The following PARD3B variants were observed in gnomAD, a reference collection of about 807,000 sequenced individuals.
PARD3B encodes par-3 family cell polarity regulator beta, also known as partitioning defective 3 homolog B.
A neutral mutation model predicts 130.2 loss-of-function variants in PARD3B; 103 were observed. That is an observed-to-expected ratio of 0.79 (90% CI 0.67 to 0.93). The LOEUF (loss-of-function observed/expected upper bound fraction) is 0.93, where lower values mean the gene tolerates loss of function less well. Among genes scored for constraint, PARD3B ranks in the 40% least tolerant of loss-of-function variants. The pLI is 0.00. For synonymous variants in PARD3B, 583 were observed against 553.2 expected, an observed-to-expected ratio of 1.05 and a Z score of -0.76; for missense variants, 1,609 against 1,499.2, an observed-to-expected ratio of 1.07 and a Z score of -1.21.
At position 205,142,926 on chromosome 2, in the gene PARD3B, C is replaced by T. The variant is rs1416240994; in HGVS notation, c.1435-15796C>T. ...TAAATAAATAAGATAGGCAAGCTGG[C>T]AAATAATTGTAAGAAAGTGATGCGA... On this transcript the variant is annotated intron_variant, in intron 10 of 22. Coordinates refer to ENST00000406610, the MANE Select transcript of PARD3B (RefSeq NM_001302769.2). The surrounding 1 kb of genome is among the most constrained non-coding windows in gnomAD (Gnocchi z 4.3). 7.3e-6 allele frequency among the ~76,000 whole-genome samples: 1 copy of T among 136,930 alleles called. No homozygotes were observed. The highest frequency in any genetic ancestry group is 2.5e-5 in the African/African-American group (1 of 39,656). The allele number at this position is 136,930 out of a possible 152,430, so 89.8% of individuals were successfully genotyped here. A position where few individuals can be genotyped will look rare whatever the true frequency, so the allele number is the denominator to read the frequency against.
At chr2:205,402,663 G>A (rs185273961) in intron 19 of PARD3B, among the ~76,000 whole-genome samples, 37 of 152,274 alleles carry the variant, frequency 2.4e-4, no homozygotes, top group Non-Finnish European at 7.4e-5. Flanking sequence ...GTGCCTGAGG[G>A]AGCCTTGTTC....
intron 16 of PARD3B, among the ~76,000 whole-genome samples, chr2:205,257,082 A>G (rs907704892): frequency 6.6e-6 from 1 of 152,134 alleles, no homozygotes; most frequent in African/African-American, 2.4e-5. Context: ...ATGATGCCCA[A>G]CTGTATCCAA....
At chr2:205,445,372 C>T (rs987497261) in intron 20 of PARD3B, among the ~76,000 whole-genome samples, 1 of 152,174 alleles carries the variant, frequency 6.6e-6, no homozygotes, top group Non-Finnish European at 1.5e-5. Flanking sequence ...TTAATTGGCT[C>T]ACAGTTCTGC....
At chr2:204,996,867 C>G (rs950100689) in intron 3 of PARD3B, among the ~76,000 whole-genome samples, 5 of 145,010 alleles carry the variant, frequency 3.4e-5, no homozygotes, top group African/African-American at 1.3e-4. Context: ...TCACCCCTTT[C>G]TTTGACTCGA....
intron 3 of PARD3B, among the ~76,000 whole-genome samples, chr2:205,033,610 G>A (rs184148484): frequency 3.2e-4 from 48 of 152,144 alleles, no homozygotes; most frequent in Admixed American, 1.0e-3. Flanking sequence ...CAAAAGCCAC[G>A]TGCCCATCTG....
At chr2:205,066,605 T>C (rs995900887) in intron 4 of PARD3B, among the ~76,000 whole-genome samples, 2 of 152,116 alleles carry the variant, frequency 1.3e-5, no homozygotes, top group Non-Finnish European at 2.9e-5. Context: ...ATCTGTAAAA[T>C]GAGAAAGGTG....
At chr2:204,808,119 TTAAAGA>T (rs2042840100) in intron 2 of PARD3B, among the ~76,000 whole-genome samples, 1 of 152,046 alleles carries the variant, frequency 6.6e-6, no homozygotes, top group Non-Finnish European at 1.5e-5. Context: ...AATTTAAAAA[TTAAAGA>T]TAGAGATTAT....
At chr2:204,863,694 G>A (rs1433973530) in intron 2 of PARD3B, among the ~76,000 whole-genome samples, 2 of 152,134 alleles carry the variant, frequency 1.3e-5, no homozygotes, top group African/African-American at 4.8e-5. Flanking sequence ...ATGGCCTTTA[G>A]GCCATATAGA....
intron 4 of PARD3B, among the ~76,000 whole-genome samples, chr2:205,094,513 AT>A (rs200782423): frequency 3.4e-4 from 51 of 150,968 alleles, no homozygotes; most frequent in African/African-American, 1.0e-3. Flanking sequence ...AAATTTTGAG[AT>A]TTTTTTTTTC....
intron 1 of PARD3B, among the ~76,000 whole-genome samples, chr2:204,550,171 T>A (rs926748320): frequency 1.2e-4 from 18 of 152,004 alleles, no homozygotes; most frequent in African/African-American, 4.1e-4. Context: ...TATAAAATGC[T>A]GCAGTGTTTG....
intron 2 of PARD3B, among the ~76,000 whole-genome samples, chr2:204,918,332 T>A (rs2047523399): frequency 6.6e-6 from 1 of 152,204 alleles, no homozygotes; most frequent in Admixed American, 6.5e-5. Context: ...AAACTTCACA[T>A]TGAAAATGCT....
chr2:204,753,162 A>T (rs944025062), intron 2 of PARD3B, among the ~76,000 whole-genome samples: 7 of 152,196 alleles, frequency 4.6e-5, no homozygotes, highest in African/African-American at 1.4e-4. Context: ...TGTAGTTTAT[A>T]TTAAAAAGTA....
At position 205,615,756 on chromosome 2, in the gene PARD3B, G is replaced by T; in HGVS notation, c.3561G>T (p.Gln1187His). The change falls in exon 23 of 23, where the codon CAG becomes CAT. Residue 1187 changes from glutamine (Q) to histidine (H), a missense_variant. Transcript: ENST00000406610. ...RPGPRGGSPDQYPYRTQDSRQ... is the reference protein window; with the variant it reads ...RPGPRGGSPDHYPYRTQDSRQ... ...GGCCCCGTGGGGGCAGCCCAGACCA[G>T]TACCCTTACCGAACCCAGGATTCCC... 6.2e-7 allele frequency: 1 copy of T among 1,614,048 alleles called. No individual in the cohort carries two copies. The highest frequency in any genetic ancestry group is 1.1e-5 in the South Asian group (1 of 91,066).
At chr2:204,945,912 A>C (rs61001089) in intron 2 of PARD3B, among the ~76,000 whole-genome samples, 2,620 of 152,238 alleles carry the variant, frequency 0.017, 73 homozygotes, top group African/African-American at 0.06. Context: ...CAAATAGTGA[A>C]TTTGCAATTT....
intron 10 of PARD3B, among the ~76,000 whole-genome samples, chr2:205,147,734 AT>A (rs2125688029): frequency 6.6e-6 from 1 of 152,332 alleles, no homozygotes; most frequent in African/African-American, 2.4e-5. Context: ...AAGGACGTAT[AT>A]TTAAGATAGT....
intron 21 of PARD3B, 115 bp downstream of exon 21, chr2:205,500,146 CT>C: frequency 1.6e-6 from 2 of 1,223,776 alleles, no homozygotes; most frequent in South Asian, 3.4e-5. Flanking sequence ...GTTTCTTGGG[CT>C]TCATAGACAG....
At chr2:205,009,941 A>G (rs573661878) in intron 3 of PARD3B, among the ~76,000 whole-genome samples, 11 of 152,182 alleles carry the variant, frequency 7.2e-5, no homozygotes, top group Non-Finnish European at 1.0e-4. Flanking sequence ...ACTCTTTACA[A>G]TGGTATCTCA....
chr2:205,031,812 A>T (rs912773422), intron 3 of PARD3B, among the ~76,000 whole-genome samples: 1 of 152,134 alleles, frequency 6.6e-6, no homozygotes, highest in Non-Finnish European at 1.5e-5. Context: ...TGCTTTATTC[A>T]TAGGTCTTGT....
At chr2:204,901,178 C>CGGAA (rs2046845452) in intron 2 of PARD3B, among the ~76,000 whole-genome samples, 1 of 152,088 alleles carries the variant, frequency 6.6e-6, no homozygotes, top group Non-Finnish European at 1.5e-5. Flanking sequence ...TGTGTCCTTC[C>CGGAA]CTTCAGGGCA....
Sources: gnomAD v4.1 joint callset for allele counts (sites outside exome capture counted in the v4.1 genomes callset) on GRCh38, gnomAD v4.1.1 for gene constraint, Gnocchi (gnomAD v3.1) non-coding constraint, MANE v1.5 for transcripts, NCBI Gene and HGNC (gene_info 2026-07-23, HGNC 2026-07-21) for gene names.